Variants in ZMAT5 observed in about 807,000 individuals in gnomAD.
ZMAT5 encodes zinc finger matrin-type 5.
In ZMAT5, 23 loss-of-function variants were observed where a neutral mutation model predicts 28.0. The observed-to-expected ratio is 0.82, with a 90% CI of 0.59 to 1.16. The LOEUF (loss-of-function observed/expected upper bound fraction) is 1.16. Ranked by LOEUF, ZMAT5 falls within the 50% of genes most tolerant of loss-of-function variation. The pLI is 0.00. For missense variants in ZMAT5, 173 were observed against 212.7 expected (o/e 0.81, Z 1.16); for synonymous variants, 76 against 84.1 (o/e 0.90, Z 0.52).
chr22:29,738,046 C>T (rs1037694377), intron 5 of ZMAT5, among the ~76,000 whole-genome samples: 1 of 152,134 alleles, frequency 6.6e-6, no homozygotes, highest in Admixed American at 6.5e-5. Context: ...CCTCTGGCAA[C>T]GGACTTGTGA....
chr22:29,752,580 A>G (rs2068064518), intron 1 of ZMAT5, among the ~76,000 whole-genome samples: 1 of 151,966 alleles, frequency 6.6e-6, no homozygotes, highest in African/African-American at 2.4e-5. Flanking sequence ...TCAGTCTGTG[A>G]CTCAGCCACT....
intron 1 of ZMAT5, among the ~76,000 whole-genome samples, chr22:29,757,690 G>A (rs1284435912): frequency 3.9e-5 from 6 of 152,158 alleles, no homozygotes; most frequent in African/African-American, 1.4e-4. Context: ...ACAGAGCAGA[G>A]GTGAGGGTAT....
At chr22:29,758,873 G>C (rs2068128900) in intron 1 of ZMAT5, 1 of 152,274 alleles carries the variant, frequency 6.6e-6, no homozygotes, top group African/African-American at 2.4e-5. Flanking sequence ...AAGAGAAAAA[G>C]AACAAGAGGG....
chr22:29,759,790 G>T (rs767284254), intron 1 of ZMAT5, among the ~76,000 whole-genome samples: 15 of 151,726 alleles, frequency 9.9e-5, no homozygotes, highest in Non-Finnish European at 1.9e-4. Context: ...AAGGGGGCCG[G>T]GCATGGTGGC....
chr22:29,751,053 T>C (rs1482881431), intron 1 of ZMAT5, among the ~76,000 whole-genome samples: 2 of 152,176 alleles, frequency 1.3e-5, no homozygotes, highest in African/African-American at 4.8e-5. Context: ...ATCTTGTCAA[T>C]AAACTTATAG....
At chr22:29,737,045 G>A (rs1271353223) in intron 5 of ZMAT5, among the ~76,000 whole-genome samples, 9 of 145,114 alleles carry the variant, frequency 6.2e-5, no homozygotes, top group Non-Finnish European at 9.0e-5. Flanking sequence ...AAAAAAAGCC[G>A]AGTGTGGTGG....
At chr22:29,731,409 T>C (rs2067842614) in intron 5 of ZMAT5, 55 bp from the exon 6 acceptor site, 11 of 1,517,680 alleles carry the variant, frequency 7.2e-6, no homozygotes, top group Non-Finnish European at 9.6e-6. Context: ...CCCAGGCTTA[T>C]GCCACCCCCA....
At chr22:29,752,051 C>T (rs1266382557) in intron 1 of ZMAT5, among the ~76,000 whole-genome samples, 1 of 152,280 alleles carries the variant, frequency 6.6e-6, no homozygotes, top group South Asian at 2.1e-4. Flanking sequence ...ACCATGCTAG[C>T]CCCTTCAAGC....
At chr22:29,739,613 C>G (rs747582443) in intron 4 of ZMAT5, among the ~76,000 whole-genome samples, 1 of 152,232 alleles carries the variant, frequency 6.6e-6, no homozygotes, top group Non-Finnish European at 1.5e-5. Context: ...CTGGGCCTCT[C>G]CCCATTCCTG....
intron 1 of ZMAT5, among the ~76,000 whole-genome samples, chr22:29,760,180 A>G (rs1346629136): frequency 1.3e-5 from 2 of 151,014 alleles, no homozygotes; most frequent in Non-Finnish European, 3.0e-5. Context: ...CAGCCTGGGC[A>G]ACAGAGCGAG....
At chr22:29,748,759 T>G (rs2068032292) in intron 1 of ZMAT5, among the ~76,000 whole-genome samples, 188 bp from the exon 2 acceptor site, 1 of 152,248 alleles carries the variant, frequency 6.6e-6, no homozygotes, top group African/African-American at 2.4e-5. Flanking sequence ...TTAACCATTC[T>G]GATGCCCAGC....
chr22:29,752,401 C>T (rs547130915), intron 1 of ZMAT5, among the ~76,000 whole-genome samples: 6 of 152,178 alleles, frequency 3.9e-5, no homozygotes, highest in Non-Finnish European at 8.8e-5. Flanking sequence ...GGGGGGCAAA[C>T]CAGCTAATGG....
chr22:29,765,927 T>C (rs193264231), intron 1 of ZMAT5, among the ~76,000 whole-genome samples: 12 of 152,286 alleles, frequency 7.9e-5, no homozygotes, highest in Non-Finnish European at 1.6e-4. Context: ...CCCCTTGCGG[T>C]CCACTCTCCA....
At chr22:29,760,643 C>T (rs951506239) in intron 1 of ZMAT5, among the ~76,000 whole-genome samples, 2 of 152,130 alleles carry the variant, frequency 1.3e-5, no homozygotes, top group African/African-American at 4.8e-5. Flanking sequence ...GTCTAATACC[C>T]CTTAAGAAGC....
At chr22:29,737,272 G>A (rs2067915062) in intron 5 of ZMAT5, among the ~76,000 whole-genome samples, 1 of 148,130 alleles carries the variant, frequency 6.8e-6, no homozygotes, top group Admixed American at 6.7e-5. Context: ...AGGTTGCAGT[G>A]AGCTGAGATC....
chr22:29,737,682 G>A (rs186442895), intron 5 of ZMAT5, among the ~76,000 whole-genome samples: 6 of 152,202 alleles, frequency 3.9e-5, no homozygotes, highest in African/African-American at 9.6e-5. Context: ...GGTTTTGGCC[G>A]CCAGCCTTTG....
rs1300609473 is a variant in ZMAT5 at position 29,751,169 on chromosome 22, TG to T, written c.-27-2599del. 3.3e-5 allele frequency among the ~76,000 whole-genome samples: 5 copies of T among 151,864 alleles called. No individual in the cohort carries two copies. In the East Asian group the frequency reaches 9.7e-4, roughly 29 times the overall value. ...GAAGCTTGCTGGCGCTGGAGAGTAA[TG>T]GGGAAGGGAGGGGACAGGGAGGGTG... On this transcript the variant is annotated intron_variant, in intron 1 of 5. Transcript: ENST00000344318.
intron 5 of ZMAT5, among the ~76,000 whole-genome samples, chr22:29,737,183 G>T (rs1412929819): frequency 6.6e-6 from 1 of 152,010 alleles, no homozygotes; most frequent in South Asian, 2.1e-4. Context: ...ACAAAAATCA[G>T]CCAGGTATGA....
At position 29,748,455 on chromosome 22, in the gene ZMAT5, G is replaced by A. The variant is rs767591430; in HGVS notation, c.90C>T (p.His30=). Residue 30 remains histidine (H), a synonymous_variant, in exon 2 of 6, where the codon CAC becomes CAT. Coordinates refer to ENST00000344318, the MANE Select transcript of ZMAT5 (RefSeq NM_001003692.2). The part of the protein sequence containing the change: ...NRKKHLNGLQ[H]LKAKKVWYDM... ...CGTACCAGACCTTCTTGGCCTTGAGGTGCTGCAGCCCGTTCAGGTGCTTCT... is the reference window on the plus strand; with the variant it reads ...CGTACCAGACCTTCTTGGCCTTGAGATGCTGCAGCCCGTTCAGGTGCTTCT... 6.2e-7 allele frequency: 1 copy of A among 1,614,258 alleles called. No individual in the cohort carries two copies. The highest frequency in any genetic ancestry group is 1.6e-4 in the Middle Eastern group (1 of 6,062).
Sources: allele counts gnomAD v4.1 joint callset (sites outside exome capture counted in the v4.1 genomes callset), GRCh38; gene constraint gnomAD v4.1.1; transcripts MANE v1.5; gene names NCBI Gene and HGNC (gene_info 2026-07-23, HGNC 2026-07-21).